The following MTHFD1 variants were observed in gnomAD, a reference collection of about 807,000 sequenced individuals.
MTHFD1 encodes the protein C-1-tetrahydrofolate synthase, cytoplasmic.
MTHFD1 carries 44 observed loss-of-function variants against 110.3 expected under a neutral mutation model. That is an observed-to-expected ratio of 0.40 (90% confidence interval 0.31 to 0.51). MTHFD1 has a LOEUF of 0.51. Among genes scored for constraint, MTHFD1 ranks in the 20% least tolerant of loss-of-function variants. The pLI is 0.60. For synonymous variants in MTHFD1, 402 were observed against 428.8 expected, an observed-to-expected ratio of 0.94 and a Z score of 0.77; for missense variants, 909 against 1,173.1, an observed-to-expected ratio of 0.77 and a Z score of 3.29.
rs773804861 is a variant in MTHFD1 at position 64,441,350 on chromosome 14, G to C, written c.1816-35G>C. On this transcript the variant is annotated intron_variant, in intron 18 of 27. Coordinates refer to ENST00000652337, the MANE Select transcript of MTHFD1 (RefSeq NM_005956.4). ...TTTCAGAAGGTTGGGTTTTTTTGCT[G>C]GTGGGAGTTGATGCTGCACACATTT... 6 of 1,605,872 alleles carry C rather than the reference G, an allele frequency of 3.7e-6. No individual in the cohort carries two copies. In the Admixed American group the frequency reaches 5.0e-5, roughly 13 times the overall value.
At chr14:64,430,147 T>C (rs2078146247) in intron 12 of MTHFD1, 37 bp from the exon 13 acceptor site, 1 of 1,598,320 alleles carries the variant, frequency 6.3e-7, no homozygotes, top group Non-Finnish European at 8.6e-7. Context: ...TGGAGAAGCA[T>C]GCTTAACTGA....
intron 1 of MTHFD1, among the ~76,000 whole-genome samples, chr14:64,397,170 TATATATATATATATATATATA>T (rs1199281180): frequency 4.9e-4 from 10 of 20,410 alleles, no homozygotes; most frequent in African/African-American, 2.0e-3. Context: ...TATATATATA[TATATATATATATATATATATA>T]AAAAACAGTA....
At chr14:64,427,292 C>T in intron 11 of MTHFD1, 45 bp from the exon 12 acceptor site, 1 of 1,606,734 alleles carries the variant, frequency 6.2e-7, no homozygotes, top group Non-Finnish European at 8.5e-7. Context: ...GATTCAGATA[C>T]ACTTAATTCT....
intron 15 of MTHFD1, among the ~76,000 whole-genome samples, chr14:64,433,652 C>G (rs1048956037): frequency 6.6e-6 from 1 of 150,810 alleles, no homozygotes; most frequent in African/African-American, 2.4e-5. Flanking sequence ...TGGGCTCAAG[C>G]AATCTGCCTA....
At chr14:64,451,335 AATAG>A (rs769449828) in intron 24 of MTHFD1, among the ~76,000 whole-genome samples, 1 of 152,092 alleles carries the variant, frequency 6.6e-6, no homozygotes, top group Non-Finnish European at 1.5e-5. Context: ...CTTGGTTTTT[AATAG>A]ATAATCATAG....
chr14:64,455,483 G>C (rs1027297754), intron 26 of MTHFD1, among the ~76,000 whole-genome samples: 3 of 152,206 alleles, frequency 2.0e-5, no homozygotes, highest in Non-Finnish European at 4.4e-5. Context: ...TTGGGAAGCA[G>C]AGGGGAGGGA....
In MTHFD1 at chr14:64,415,653, A is replaced by G. The variant is rs565379586; in HGVS notation, c.392A>G (p.Asn131Ser). 22 of 1,612,842 alleles carry G rather than the reference A, an allele frequency of 1.4e-5. No homozygotes were observed. In the East Asian group the frequency reaches 2.9e-4, roughly 21 times the overall value. The change falls in exon 6 of 28, where the codon AAT becomes AGT. Residue 131 changes from asparagine (N) to serine (S), a missense_variant. Asn to Ser is a conservative substitution (Grantham distance 46). Transcript: ENST00000652337. ...ACTTTTTTAAGATTGACTAGCATCAATGCTGGGAAACTTGCTAGAGGTGAC... is the reference window on the plus strand; with the variant it reads ...ACTTTTTTAAGATTGACTAGCATCAGTGCTGGGAAACTTGCTAGAGGTGAC... ...EKDVDGLTSI[N>S]AGKLARGDLN...
chr14:64,444,203 C>T (rs1035085347), intron 21 of MTHFD1, among the ~76,000 whole-genome samples: 1 of 152,146 alleles, frequency 6.6e-6, no homozygotes, highest in Admixed American at 6.5e-5. Flanking sequence ...TGTTTTCCCT[C>T]TTGTTTGTAT....
chr14:64,456,701 C>T (rs751087805), intron 26 of MTHFD1, among the ~76,000 whole-genome samples: 3 of 152,206 alleles, frequency 2.0e-5, no homozygotes, highest in Non-Finnish European at 4.4e-5. Context: ...TCACACCTAG[C>T]ACCTCCTTAC....
intron 24 of MTHFD1, among the ~76,000 whole-genome samples, chr14:64,450,280 C>A (rs894544069): frequency 1.2e-4 from 19 of 152,216 alleles, no homozygotes; most frequent in Non-Finnish European, 2.5e-4. Context: ...AAGGCACCAA[C>A]CATGTAGCAG....
Position 64,388,779 on chromosome 14 carries a change from CT to C in MTHFD1, c.41+312del, listed in dbSNP as rs1047617959. The C allele has an allele frequency of 1.3e-5, 7 of 546,320 alleles. 1 individual carries two copies. Among genetic ancestry groups the C allele is most frequent in the South Asian group, 8.7e-5 (4 of 45,980 alleles). The allele number at this position is 546,320 out of a possible 1,614,324, so 33.8% of individuals were successfully genotyped here. A position where few individuals can be genotyped will look rare whatever the true frequency, so the allele number is the denominator to read the frequency against. On this transcript the variant is annotated intron_variant, in intron 1 of 27. Transcript: ENST00000652337. ...GTAGTTGCGGCTTCCTGGAGCCCCC[CT>C]AGTCAGAACTCAGAAATCCAATCTA...
At chr14:64,425,925 C>A in intron 10 of MTHFD1, 94 bp from the exon 11 acceptor site, 1 of 1,576,342 alleles carries the variant, frequency 6.3e-7, no homozygotes, top group Non-Finnish European at 8.7e-7. Context: ...AAGGTGCCTT[C>A]AGTGGTTGGG....
chr14:64,449,131 T>G (rs557130256), intron 23 of MTHFD1: 22 of 406,924 alleles, frequency 5.4e-5, no homozygotes, highest in South Asian at 4.8e-4. Flanking sequence ...ATTTACTGAT[T>G]CCTTCTGGAG....
At chr14:64,399,157 G>A (rs557962047) in intron 1 of MTHFD1, among the ~76,000 whole-genome samples, 117 of 152,328 alleles carry the variant, frequency 7.7e-4, no homozygotes, top group African/African-American at 2.5e-3. Context: ...TGCAGGTTGA[G>A]CAAAAGGTGT....
At chr14:64,441,800 G>A in intron 19 of MTHFD1, 1 of 517,160 alleles carries the variant, frequency 1.9e-6, no homozygotes, top group Non-Finnish European at 3.4e-6. Flanking sequence ...GAGACTCCGT[G>A]TCAAAAAAAA....
intron 22 of MTHFD1, chr14:64,445,111 G>A (rs945189840): frequency 5.6e-6 from 2 of 354,952 alleles, no homozygotes; most frequent in Non-Finnish European, 5.5e-6. Flanking sequence ...ATCCTTTAAT[G>A]CACAGGACAG....
intron 1 of MTHFD1, among the ~76,000 whole-genome samples, chr14:64,394,196 C>G (rs1419150616): frequency 6.6e-6 from 1 of 152,128 alleles, no homozygotes; most frequent in East Asian, 1.9e-4. Flanking sequence ...CTCAGCCACT[C>G]GGCTACTACC....
At chr14:64,406,294 C>T (rs904118551) in intron 2 of MTHFD1, among the ~76,000 whole-genome samples, 6 of 151,698 alleles carry the variant, frequency 4.0e-5, no homozygotes, top group Non-Finnish European at 7.4e-5. Flanking sequence ...CTGCCTCGGC[C>T]TCTCAAAGTG....
intron 26 of MTHFD1, among the ~76,000 whole-genome samples, chr14:64,457,668 C>T (rs2078497688): frequency 6.6e-6 from 1 of 152,008 alleles, no homozygotes; most frequent in African/African-American, 2.4e-5. Context: ...GTTGGTCAGG[C>T]TGGTCTCAAA....
Sources: gnomAD v4.1 joint callset for allele counts (sites outside exome capture counted in the v4.1 genomes callset) on GRCh38, gnomAD v4.1.1 for gene constraint, MANE v1.5 for transcripts, NCBI Gene and HGNC (gene_info 2026-07-23, HGNC 2026-07-21) for gene names.